PCDHA10: variants seen among roughly 807,000 people sequenced by gnomAD.
PCDHA10 encodes protocadherin alpha 10, also known as protocadherin alpha-10.
In PCDHA10, 45 loss-of-function variants were observed where a neutral mutation model predicts 61.2. That is an observed-to-expected ratio of 0.74 (90% CI 0.58 to 0.94). The LOEUF is 0.94. Among genes scored for constraint, PCDHA10 ranks in the 40% least tolerant of loss-of-function variants. PCDHA10 has a pLI of 0.00. For missense variants in PCDHA10, 1,278 were observed against 1,236.2 expected, an observed-to-expected ratio of 1.03 and a Z score of -0.51; for synonymous variants, 602 against 548.8, an observed-to-expected ratio of 1.10 and a Z score of -1.35.
rs141258804 is a variant in PCDHA10, at chr5:140,857,118, C to T, written c.1070C>T (p.Pro357Leu). ...PEVIVTSLSL[P>L]VKEDAQVGTV... ...GTGATTGTCACTTCTCTGTCTCTCC[C>T]AGTGAAAGAAGATGCTCAAGTGGGC... Residue 357 changes from proline to leucine, a missense_variant, in exon 1 of 4, where the codon CCA becomes CTA. By Grantham distance (98) the Pro-to-Leu change is moderately conservative. Transcript: ENST00000307360. 2.7e-5 allele frequency: 43 copies of T among 1,597,878 alleles called. 6 individuals are homozygous for T. Among genetic ancestry groups the T allele is most frequent in the Non-Finnish European group, 3.3e-5 (38 of 1,167,604 alleles).
chr5:140,927,416 C>T (rs782053183), intron 1 of PCDHA10: 6 of 1,613,980 alleles, frequency 3.7e-6, no homozygotes, highest in Admixed American at 3.3e-5. Context: ...GACATGGGAT[C>T]GCGGGTTGAC....
chr5:140,872,165 C>CTT (rs781807025), intron 1 of PCDHA10, among the ~76,000 whole-genome samples: 18 of 144,352 alleles, frequency 1.2e-4, no homozygotes, highest in Non-Finnish European at 2.0e-4. Context: ...ATTTACTTTT[C>CTT]TTTTTTTTTT....
At position 141,001,667 on chromosome 5, in the gene PCDHA10, A is replaced by G. The variant is rs949508860; in HGVS notation, c.2537-7960A>G. ...GTGTGGGAGAAGGCGGAGCTTGTCC[A>G]GTCGGTCCAACAAACCCCACAGATG... is the stretch of plus-strand genomic sequence containing the variant. On this transcript the variant is annotated intron_variant, in intron 3 of 3. Coordinates refer to ENST00000307360, the MANE Select transcript of PCDHA10 (RefSeq NM_018901.4). Among the ~76,000 whole-genome samples, 9 of 152,268 alleles carry G rather than the reference A, an allele frequency of 5.9e-5. 1 individual carries two copies. In the East Asian group the frequency reaches 1.7e-3, roughly 29 times the overall value.
chr5:140,943,302 A>G, intron 1 of PCDHA10, among the ~76,000 whole-genome samples: 1 of 151,674 alleles, frequency 6.6e-6, no homozygotes, highest in Non-Finnish European at 1.5e-5. Context: ...AATTTTGGGA[A>G]GTCATTATTA....
At chr5:141,005,687 G>A (rs1454342103) in intron 3 of PCDHA10, among the ~76,000 whole-genome samples, 3 of 116,164 alleles carry the variant, frequency 2.6e-5, no homozygotes, top group African/African-American at 7.0e-5. Context: ...GGGCGACAGA[G>A]CGAAACTCCG....
rs184817309 is a variant in PCDHA10, at chr5:140,876,910, T to G, written c.2388+18474T>G. On this transcript the variant is annotated intron_variant, in intron 1 of 3. Coordinates refer to ENST00000307360, the MANE Select transcript of PCDHA10 (RefSeq NM_018901.4). The stretch of plus-strand genomic sequence containing the variant: ...CTGCCACATCTTCACGGTGTCGGCA[T>G]GGGACGCGGACGCGCAGAAGAACGC... 1.1e-5 allele frequency: 18 copies of G among 1,613,860 alleles called. No homozygotes were observed. The South Asian group carries it at 1.4e-4, about 13-fold the overall frequency.
chr5:140,972,270 G>T (rs2096527606), intron 1 of PCDHA10, among the ~76,000 whole-genome samples: 2 of 151,190 alleles, frequency 1.3e-5, no homozygotes, highest in African/African-American at 4.9e-5. Context: ...CTCCTGAGTA[G>T]CTTGGACCAT....
At chr5:140,890,507 C>G (rs2153430728) in intron 1 of PCDHA10, among the ~76,000 whole-genome samples, 1 of 152,146 alleles carries the variant, frequency 6.6e-6, no homozygotes, top group African/African-American at 2.4e-5. Context: ...TTTTATGTCT[C>G]TATTTCCTTC....
chr5:140,867,395 T>C (rs1319055963), intron 1 of PCDHA10: 1 of 152,176 alleles, frequency 6.6e-6, no homozygotes, highest in Admixed American at 6.5e-5. Context: ...TTATAAAAGT[T>C]GATATGTCTC....
At chr5:140,871,311 C>T (rs782501180) in intron 1 of PCDHA10, 9 of 1,613,922 alleles carry the variant, frequency 5.6e-6, no homozygotes, top group Non-Finnish European at 7.6e-6. Flanking sequence ...CGGGGAAGCC[C>T]ACGCTGGTGT....
At chr5:140,875,644 G>A in intron 1 of PCDHA10, 1 of 1,613,736 alleles carries the variant, frequency 6.2e-7, no homozygotes, top group Non-Finnish European at 8.5e-7. Flanking sequence ...GGAGCTGGCG[G>A]AGCTGGTGCC....
At chr5:140,977,256 C>T (rs1304967733) in intron 1 of PCDHA10, among the ~76,000 whole-genome samples, 1 of 152,164 alleles carries the variant, frequency 6.6e-6, no homozygotes, top group Non-Finnish European at 1.5e-5. Flanking sequence ...CATTTCTCAG[C>T]AGATGTTACA....
intron 1 of PCDHA10, among the ~76,000 whole-genome samples, chr5:140,893,592 C>G (rs2064074430): frequency 6.6e-6 from 1 of 152,154 alleles, no homozygotes; most frequent in Non-Finnish European, 1.5e-5. Flanking sequence ...TTGGGAAATA[C>G]TTTATTTCTC....
chr5:140,871,158 C>G (rs2052764728), intron 1 of PCDHA10: 20 of 1,613,444 alleles, frequency 1.2e-5, no homozygotes, highest in Non-Finnish European at 1.6e-5. Flanking sequence ...TGGCGGGCGC[C>G]GCGAGCCCAG....
chr5:140,988,025 G>A (rs1305100946), intron 3 of PCDHA10, among the ~76,000 whole-genome samples: 1 of 152,136 alleles, frequency 6.6e-6, no homozygotes, highest in African/African-American at 2.4e-5. Context: ...TGATTCTTAA[G>A]TTTTTTAGAA....
intron 1 of PCDHA10, among the ~76,000 whole-genome samples, chr5:140,901,318 T>A (rs1337437902): frequency 6.6e-6 from 1 of 152,202 alleles, no homozygotes; most frequent in African/African-American, 2.4e-5. Flanking sequence ...TTCCCCAATG[T>A]TTTCTTGTAG....
Position 140,937,138 on chromosome 5 carries a change from T to C in PCDHA10, c.2389-41811T>C, listed in dbSNP as rs368450201. On this transcript the variant is annotated intron_variant, in intron 1 of 3. Coordinates refer to ENST00000307360, the MANE Select transcript of PCDHA10 (RefSeq NM_018901.4). ...CTGCAAGCTCCGCCTCCCGGGTTCA[T>C]GCCATTCTCCTGCCTCAGCCTCCCG... is the stretch of plus-strand genomic sequence containing the variant. 1.7e-4 allele frequency among the ~76,000 whole-genome samples: 25 copies of C among 151,290 alleles called. 1 individual carries two copies. In the South Asian group the frequency reaches 2.7e-3, roughly 16 times the overall value.
intron 1 of PCDHA10, among the ~76,000 whole-genome samples, chr5:140,873,578 G>A (rs1175903601): frequency 6.8e-5 from 8 of 117,146 alleles, no homozygotes; most frequent in Non-Finnish European, 1.4e-4. Flanking sequence ...GGTTGTTTAA[G>A]TATTAAGCTA....
chr5:140,866,332 C>T (rs907104560), intron 1 of PCDHA10: 2 of 152,020 alleles, frequency 1.3e-5, no homozygotes, highest in Non-Finnish European at 2.9e-5. Flanking sequence ...CTGAACTTGG[C>T]CAAAGGATTC....
Sources: gnomAD v4.1 joint callset for allele counts (sites outside exome capture counted in the v4.1 genomes callset) on GRCh38, gnomAD v4.1.1 for gene constraint, MANE v1.5 for transcripts, NCBI Gene and HGNC (gene_info 2026-07-23, HGNC 2026-07-21) for gene names.